Variants in COL19A1 observed in about 807,000 individuals in gnomAD.
COL19A1 encodes collagen alpha-1(XIX) chain.
COL19A1 carries 159 observed loss-of-function variants against 190.2 expected under a neutral mutation model. The ratio of observed to expected loss-of-function variants is 0.84; its 90% CI spans 0.73 to 0.95. The LOEUF is 0.95. Among genes scored for constraint, COL19A1 ranks in the 40% least tolerant of loss-of-function variants. COL19A1 has a pLI of 0.00. For synonymous variants in COL19A1, 509 were observed against 458.9 expected (o/e 1.11, Z -1.39); for missense variants, 1,418 against 1,431.9 (o/e 0.99, Z 0.16).
intron 16 of COL19A1, among the ~76,000 whole-genome samples, chr6:70,119,443 AT>A (rs563457514): frequency 2.0e-5 from 3 of 152,118 alleles, no homozygotes; most frequent in African/African-American, 7.2e-5. Flanking sequence ...AGTTTTGTTG[AT>A]TTTTTTTCAA....
chr6:69,889,535 T>G (rs1216255016), intron 2 of COL19A1, among the ~76,000 whole-genome samples: 1 of 152,086 alleles, frequency 6.6e-6, no homozygotes, highest in Non-Finnish European at 1.5e-5. Context: ...TCTGTAAAAA[T>G]GCACTAATCT....
In COL19A1 at chr6:70,210,678, T is replaced by C. The variant is rs1022139715; in HGVS notation, c.*3404T>C. 2.6e-5 allele frequency among the ~76,000 whole-genome samples: 4 copies of C among 152,158 alleles called. No homozygotes were observed. The highest frequency in any genetic ancestry group is 3.9e-4 in the East Asian group (2 of 5,194). On this transcript the variant is annotated 3_prime_UTR_variant, in exon 51 of 51. Coordinates refer to ENST00000620364, the MANE Select transcript of COL19A1 (RefSeq NM_001858.6). ...GATATACCTCCATTTGTCCACAAGATGGTGTTTAAAACAATTTGTTCAGAA... is the reference window on the plus strand; with the variant it reads ...GATATACCTCCATTTGTCCACAAGACGGTGTTTAAAACAATTTGTTCAGAA...
chr6:70,159,005 A>G (rs1327190518), intron 34 of COL19A1, among the ~76,000 whole-genome samples: 1 of 152,082 alleles, frequency 6.6e-6, no homozygotes, highest in Non-Finnish European at 1.5e-5. Context: ...GCTGATGGGA[A>G]TGATTTTTTA....
At chr6:70,199,106 C>A (rs912493090) in intron 48 of COL19A1, among the ~76,000 whole-genome samples, 6 of 152,208 alleles carry the variant, frequency 3.9e-5, no homozygotes, top group Admixed American at 3.9e-4. Context: ...ACTGTTAATT[C>A]AGCCTTTTTC....
chr6:69,870,430 G>T (rs895863906), intron 1 of COL19A1, among the ~76,000 whole-genome samples: 1 of 152,206 alleles, frequency 6.6e-6, no homozygotes, highest in Non-Finnish European at 1.5e-5. Context: ...CTTCACAGAG[G>T]ACATGGCATT....
chr6:70,021,971 A>G (rs1284277725), intron 11 of COL19A1, among the ~76,000 whole-genome samples: 3 of 151,956 alleles, frequency 2.0e-5, no homozygotes, highest in East Asian at 3.9e-4. Flanking sequence ...TGTTTTGTAT[A>G]TTGTATGCGT....
chr6:69,921,490 A>ATATATTCG, intron 4 of COL19A1, among the ~76,000 whole-genome samples: 1 of 105,016 alleles, frequency 9.5e-6, no homozygotes, highest in African/African-American at 4.7e-5. Context: ...ATATATATTC[A>ATATATTCG]TATATATTCA....
intron 14 of COL19A1, among the ~76,000 whole-genome samples, chr6:70,060,036 C>A (rs1463052920): frequency 6.6e-6 from 1 of 151,988 alleles, no homozygotes; most frequent in Non-Finnish European, 1.5e-5. Context: ...AGGTTTTGGT[C>A]AAAAATTGGA....
intron 2 of COL19A1, among the ~76,000 whole-genome samples, chr6:69,895,609 G>A (rs1384574476): frequency 6.6e-6 from 1 of 152,226 alleles, no homozygotes; most frequent in African/African-American, 2.4e-5. Flanking sequence ...CACACAGGAA[G>A]AGGAAGGGCC....
intron 44 of COL19A1, among the ~76,000 whole-genome samples, chr6:70,181,649 T>C (rs928863762): frequency 1.8e-4 from 23 of 125,948 alleles, no homozygotes; most frequent in Non-Finnish European, 3.8e-4. Flanking sequence ...GGAAAACAGA[T>C]AAAAACAACA....
In COL19A1 at chr6:70,144,264, G is replaced by T; in HGVS notation, c.1680+1G>T. On this transcript the variant is annotated splice_donor_variant, in intron 24 of 50. Coordinates refer to ENST00000620364, the MANE Select transcript of COL19A1 (RefSeq NM_001858.6). LOFTEE classifies it high-confidence loss of function. ...AAAACAAGGCATTAAAGGAGAAAAG[G>T]TATAGTTTACATTTTCCTCATTTTA... 1 of 1,611,552 alleles carries T rather than the reference G, an allele frequency of 6.2e-7. No individual in the cohort carries two copies. Among genetic ancestry groups the T allele is most frequent in the East Asian group, 2.2e-5 (1 of 44,812 alleles).
Position 69,944,782 on chromosome 6 carries a change from A to C in COL19A1, c.936+6682A>C, listed in dbSNP as rs1773691592. ...CCTCTCATGGAATAATGCAGTTTTA[A>C]GTACTACTGCTTGTATTTAATTATC... On this transcript the variant is annotated intron_variant, in intron 9 of 50. Transcript: ENST00000620364. 2.6e-5 allele frequency among the ~76,000 whole-genome samples: 4 copies of C among 151,926 alleles called. No homozygotes were observed. The South Asian group carries it at 8.3e-4, about 31-fold the overall frequency.
intron 14 of COL19A1, among the ~76,000 whole-genome samples, chr6:70,054,964 C>T (rs1780409789): frequency 6.6e-6 from 1 of 152,158 alleles, no homozygotes; most frequent in African/African-American, 2.4e-5. Flanking sequence ...GGAAAAAATA[C>T]CCCACTAAAC....
chr6:69,927,378 A>G (rs1317300673), intron 4 of COL19A1, among the ~76,000 whole-genome samples: 5 of 152,198 alleles, frequency 3.3e-5, no homozygotes, highest in Non-Finnish European at 7.4e-5. Flanking sequence ...AAGCAAGAAA[A>G]AGCTAACAGG....
At chr6:69,921,504 A>G (rs1437742470) in intron 4 of COL19A1, among the ~76,000 whole-genome samples, 2 of 108,340 alleles carry the variant, frequency 1.8e-5, no homozygotes, top group African/African-American at 3.6e-5. Flanking sequence ...ATATTCATAT[A>G]TATTCATATG....
At position 70,144,828 on chromosome 6, in the gene COL19A1, T is replaced by A. The variant is rs776245415; in HGVS notation, c.1681-90T>A. On this transcript the variant is annotated intron_variant, in intron 24 of 50. Coordinates refer to ENST00000620364, the MANE Select transcript of COL19A1 (RefSeq NM_001858.6). Reference sequence around the variant, plus strand: ...ATGAATGAAGTTTGACTGGCTATGATGACAACTTAAAACAATGGAAACCAC... The same window carrying A: ...ATGAATGAAGTTTGACTGGCTATGAAGACAACTTAAAACAATGGAAACCAC... 29 of 793,712 alleles carry A rather than the reference T, an allele frequency of 3.7e-5. 1 individual carries two copies. Among genetic ancestry groups the A allele is most frequent in the Middle Eastern group, 2.2e-4 (1 of 4,496 alleles). The allele number at this position is 793,712 out of a possible 1,614,324, so 49.2% of individuals were successfully genotyped here. A position where few individuals can be genotyped will look rare whatever the true frequency, so the allele number is the denominator to read the frequency against.
intron 25 of COL19A1, among the ~76,000 whole-genome samples, chr6:70,145,294 G>A (rs1355944408): frequency 3.9e-5 from 6 of 152,036 alleles, no homozygotes; most frequent in Admixed American, 2.6e-4. Context: ...ATCTACAATA[G>A]ACTAGATAAA....
At chr6:70,167,995 A>T (rs1257652425) in intron 37 of COL19A1, 30 bp from the exon 38 acceptor site, 1 of 1,515,312 alleles carries the variant, frequency 6.6e-7, no homozygotes, top group Non-Finnish European at 9.0e-7. Flanking sequence ...AACTTCCAAG[A>T]ATAATTCTGT....
intron 11 of COL19A1, among the ~76,000 whole-genome samples, chr6:69,978,167 C>G (rs532904938): frequency 1.3e-5 from 2 of 152,138 alleles, no homozygotes; most frequent in East Asian, 3.9e-4. Flanking sequence ...GAGCTGGCAC[C>G]TGAAACTTTT....
Sources: allele counts gnomAD v4.1 joint callset (sites outside exome capture counted in the v4.1 genomes callset), GRCh38; gene constraint gnomAD v4.1.1; transcripts MANE v1.5; gene names NCBI Gene and HGNC (gene_info 2026-07-23, HGNC 2026-07-21).